The following VSTM4 variants were observed in gnomAD, a reference collection of about 807,000 sequenced individuals.
The protein encoded by VSTM4 is V-set and transmembrane domain-containing protein 4.
VSTM4 carries 20 observed loss-of-function variants against 36.4 expected under a neutral mutation model. The observed-to-expected ratio is 0.55, with a 90% CI of 0.39 to 0.80. VSTM4 has a LOEUF of 0.80. Ranked by LOEUF, VSTM4 falls within the 30% of genes least tolerant of loss-of-function variation. VSTM4 has a pLI of 0.00. For synonymous variants in VSTM4, 182 were observed against 173.9 expected (o/e 1.05, Z -0.37); for missense variants, 392 against 404.5 (o/e 0.97, Z 0.26).
intron 2 of VSTM4, among the ~76,000 whole-genome samples, chr10:49,098,511 CCCACTT>C (rs1258250335): frequency 3.9e-5 from 6 of 152,154 alleles, no homozygotes; most frequent in African/African-American, 1.4e-4. Flanking sequence ...TACAAAAGAC[CCCACTT>C]CCTCCTCCTC....
chr10:49,063,328 T>G (rs1277429135), intron 5 of VSTM4, among the ~76,000 whole-genome samples: 1 of 152,152 alleles, frequency 6.6e-6, no homozygotes, highest in East Asian at 1.9e-4. Context: ...AGAGTGAAAC[T>G]CCATCTCATA....
In VSTM4 at chr10:49,107,604, C is replaced by CGT. The variant is rs1564598497; in HGVS notation, c.445_446dup (p.Glu150ArgfsTer3). The CGT allele has an allele frequency of 6.2e-7, 1 of 1,604,352 alleles. No individual in the cohort carries two copies. The highest frequency in any genetic ancestry group is 1.7e-5 in the Admixed American group (1 of 59,718). The stretch of plus-strand genomic sequence containing the variant: ...GACCAAGACCCTCACCTCTCATTTC[C>CGT]GTGGCTGAGGAGCCATTGGACCAGG... On this transcript the variant is annotated frameshift_variant, in exon 2 of 8. Transcript: ENST00000332853. LOFTEE classifies it high-confidence loss of function.
At chr10:49,066,768 T>C (rs1459257313) in intron 4 of VSTM4, among the ~76,000 whole-genome samples, 1 of 152,188 alleles carries the variant, frequency 6.6e-6, no homozygotes, top group African/African-American at 2.4e-5. Flanking sequence ...AGTTTACTAA[T>C]TGTGCAATAC....
intron 3 of VSTM4, among the ~76,000 whole-genome samples, chr10:49,079,885 A>T (rs994906299): frequency 6.6e-6 from 1 of 152,206 alleles, no homozygotes; most frequent in East Asian, 1.9e-4. Context: ...TATGATGAAT[A>T]TGCATATATT....
intron 4 of VSTM4, among the ~76,000 whole-genome samples, chr10:49,075,836 T>G (rs1361520721): frequency 6.6e-6 from 1 of 152,152 alleles, no homozygotes; most frequent in African/African-American, 2.4e-5. Flanking sequence ...TGGCTTCTGG[T>G]GGGTGGCACC....
Position 49,070,412 on chromosome 10 carries a change from T to TA in VSTM4, c.635-5677dup, listed in dbSNP as rs59034459. On this transcript the variant is annotated intron_variant, in intron 4 of 7. Coordinates refer to ENST00000332853, the MANE Select transcript of VSTM4 (RefSeq NM_001031746.5). ...TTTTTACCTTTTTGAATGTGACTAC[T>TA]AAAAAAAAAAATGGTCAGATCACCT... Among the ~76,000 whole-genome samples, 27 of 149,414 alleles carry TA rather than the reference T, an allele frequency of 1.8e-4. 1 individual carries two copies. Among genetic ancestry groups the TA allele is most frequent in the East Asian group, 5.9e-4 (3 of 5,096 alleles).
In VSTM4 at chr10:49,085,937, G is replaced by A. The variant is rs369685389; in HGVS notation, c.526+18C>T. The A allele has an allele frequency of 3.1e-5, 47 of 1,510,710 alleles. No homozygotes were observed. Among genetic ancestry groups the A allele is most frequent in the Middle Eastern group, 1.8e-4 (1 of 5,438 alleles). The allele number at this position is 1,510,710 out of a possible 1,614,324, so 93.6% of individuals were successfully genotyped here. A position where few individuals can be genotyped will look rare whatever the true frequency, so the allele number is the denominator to read the frequency against. ...AGCAACTATAGAGCAATAAAAAAAA[G>A]AAATATACAAGCTTTACCTTCAAAA... On this transcript the variant is annotated intron_variant, in intron 3 of 7. Transcript: ENST00000332853.
chr10:49,093,034 A>G (rs1339802381), intron 2 of VSTM4, among the ~76,000 whole-genome samples: 2 of 152,132 alleles, frequency 1.3e-5, no homozygotes, highest in African/African-American at 4.8e-5. Flanking sequence ...ACTTGTACTC[A>G]ATAAAACTTG....
intron 1 of VSTM4, among the ~76,000 whole-genome samples, chr10:49,113,002 G>A (rs1844925264): frequency 6.6e-6 from 1 of 152,172 alleles, no homozygotes; most frequent in Non-Finnish European, 1.5e-5. Flanking sequence ...AACAGAACAA[G>A]GCAGCAGCCT....
chr10:49,056,233 C>T (rs539520891), intron 5 of VSTM4, among the ~76,000 whole-genome samples: 3 of 152,368 alleles, frequency 2.0e-5, no homozygotes, highest in South Asian at 4.1e-4. Context: ...CTTTGTATTT[C>T]CCTGCTGGCT....
In VSTM4 at chr10:49,018,249, T is replaced by C. The variant is rs543831883; in HGVS notation, c.*1401A>G. The C allele has an allele frequency of 1.1e-4, 16 of 152,244 alleles. No individual in the cohort carries two copies. The highest frequency in any genetic ancestry group is 1.9e-4 in the Non-Finnish European group (13 of 68,048). 9.4% of individuals were successfully genotyped at this position (152,244 alleles called of 1,614,324 possible). On this transcript the variant is annotated 3_prime_UTR_variant, in exon 8 of 8. Transcript: ENST00000332853. Reference sequence around the variant, plus strand: ...TTGAAAATGCAGACTGGCTTTAGCATGAATGTCAACACAGAGCATTTGTGT... The same window carrying C: ...TTGAAAATGCAGACTGGCTTTAGCACGAATGTCAACACAGAGCATTTGTGT...
intron 7 of VSTM4, among the ~76,000 whole-genome samples, chr10:49,036,194 T>G (rs1322273043): frequency 6.6e-6 from 1 of 152,184 alleles, no homozygotes; most frequent in East Asian, 1.9e-4. Flanking sequence ...GCTTCTGTTT[T>G]CCGCACGCCC....
At chr10:49,101,410 T>C (rs1590132089) in intron 2 of VSTM4, among the ~76,000 whole-genome samples, 1 of 152,248 alleles carries the variant, frequency 6.6e-6, no homozygotes, top group East Asian at 1.9e-4. Flanking sequence ...AGCAACCCAT[T>C]TATTAAGGTT....
chr10:49,034,096 AC>A (rs1452794935), intron 7 of VSTM4, among the ~76,000 whole-genome samples: 1 of 152,098 alleles, frequency 6.6e-6, no homozygotes, highest in Non-Finnish European at 1.5e-5. Flanking sequence ...CACCATCATT[AC>A]CATTATCATC....
At chr10:49,044,448 G>GAGAAAGAAAGAAAGAAAA (rs1843569842) in intron 7 of VSTM4, among the ~76,000 whole-genome samples, 1 of 109,950 alleles carries the variant, frequency 9.1e-6, no homozygotes, top group Non-Finnish European at 2.0e-5. Flanking sequence ...GAAGGAAGGA[G>GAGAAAGAAAGAAAGAAAA]AGAAAGAAAG....
intron 7 of VSTM4, among the ~76,000 whole-genome samples, chr10:49,043,443 G>A (rs1843552419): frequency 6.6e-6 from 1 of 152,138 alleles, no homozygotes; most frequent in South Asian, 2.1e-4. Context: ...ACAGTCATGA[G>A]GTTGGCATTT....
intron 7 of VSTM4, among the ~76,000 whole-genome samples, chr10:49,044,698 T>C (rs1224238913): frequency 6.6e-6 from 1 of 152,178 alleles, no homozygotes; most frequent in East Asian, 1.9e-4. Flanking sequence ...AGAATAGAAG[T>C]TCTAAATGTT....
intron 7 of VSTM4, among the ~76,000 whole-genome samples, chr10:49,032,079 C>T (rs555359980): frequency 6.6e-6 from 1 of 152,182 alleles, no homozygotes; most frequent in East Asian, 1.9e-4. Context: ...TTCTACTGCT[C>T]TCAGAGCACA....
intron 3 of VSTM4, among the ~76,000 whole-genome samples, chr10:49,084,734 T>C (rs985547253): frequency 2.6e-5 from 4 of 152,244 alleles, no homozygotes; most frequent in African/African-American, 9.6e-5. Context: ...AGCCTTTCAC[T>C]GATCCAAAGC....
Sources: allele counts gnomAD v4.1 joint callset (sites outside exome capture counted in the v4.1 genomes callset), GRCh38; gene constraint gnomAD v4.1.1; transcripts MANE v1.5; gene names NCBI Gene and HGNC (gene_info 2026-07-23, HGNC 2026-07-21).